The following KAT6B variants were observed in gnomAD, a reference collection of about 807,000 sequenced individuals.
KAT6B encodes the protein lysine acetyltransferase 6B, also known as histone acetyltransferase KAT6B.
A neutral mutation model predicts 187.5 loss-of-function variants in KAT6B; 10 were observed. That is an observed-to-expected ratio of 0.05 (90% CI 0.03 to 0.09). The LOEUF (loss-of-function observed/expected upper bound fraction) is 0.09, where lower values mean the gene tolerates loss of function less well. KAT6B is among the 10% of genes least tolerant of loss of function. The pLI is 1.00. For synonymous variants in KAT6B, 861 were observed against 926.8 expected, an observed-to-expected ratio of 0.93 and a Z score of 1.29; for missense variants, 1,952 against 2,558.9, an observed-to-expected ratio of 0.76 and a Z score of 5.12.
intron 3 of KAT6B, among the ~76,000 whole-genome samples, chr10:74,919,514 C>T (rs941677888): frequency 6.6e-6 from 1 of 152,100 alleles, no homozygotes; most frequent in East Asian, 1.9e-4. Flanking sequence ...TATCCTCCCA[C>T]CTCAGCCTCC....
At chr10:74,901,808 G>A (rs1329077253) in intron 3 of KAT6B, among the ~76,000 whole-genome samples, 5 of 152,152 alleles carry the variant, frequency 3.3e-5, no homozygotes, top group South Asian at 2.1e-4. Flanking sequence ...TTAAGAAAGT[G>A]TCTTTTAGAA....
At chr10:74,903,859 G>C (rs961729484) in intron 3 of KAT6B, among the ~76,000 whole-genome samples, 1 of 152,172 alleles carries the variant, frequency 6.6e-6, no homozygotes, top group Non-Finnish European at 1.5e-5. Flanking sequence ...GTCTCTCAGG[G>C]GTAGACTTAC....
At chr10:75,023,191 CT>C (rs1236237255) in intron 16 of KAT6B, among the ~76,000 whole-genome samples, 1 of 152,208 alleles carries the variant, frequency 6.6e-6, no homozygotes, top group Admixed American at 6.5e-5. Context: ...ATATCTTTGT[CT>C]TCAGTATCTA....
At chr10:74,845,636 A>G (rs1842050158) in intron 3 of KAT6B, among the ~76,000 whole-genome samples, 1 of 151,576 alleles carries the variant, frequency 6.6e-6, no homozygotes, top group Non-Finnish European at 1.5e-5. Flanking sequence ...AACTGGGAAT[A>G]CAGGTGTATG....
intron 8 of KAT6B, chr10:74,976,685 C>T (rs1232971687): frequency 5.4e-6 from 2 of 369,508 alleles, no homozygotes; most frequent in Non-Finnish European, 1.0e-5. Context: ...TCTGCAGCCA[C>T]AGCGCTGTTC....
At chr10:75,004,891 G>C (rs1465032656) in intron 13 of KAT6B, among the ~76,000 whole-genome samples, 1 of 151,520 alleles carries the variant, frequency 6.6e-6, no homozygotes, top group Admixed American at 6.6e-5. Context: ...GGGGTGGGGG[G>C]TCAGCTAGAG....
At chr10:75,018,867 C>T (rs1437485054) in intron 13 of KAT6B, among the ~76,000 whole-genome samples, 1 of 152,144 alleles carries the variant, frequency 6.6e-6, no homozygotes, top group Admixed American at 6.5e-5. Flanking sequence ...ATCCACGGCT[C>T]TATGGTTCTC....
rs770050630 is a variant in KAT6B, at chr10:75,029,217, C to A, written c.4393C>A (p.Gln1465Lys). The A allele has an allele frequency of 2.6e-5, 42 of 1,614,004 alleles. No individual in the cohort carries two copies. The Admixed American group carries it at 7.0e-4, about 27-fold the overall frequency. ...NQETFLDLNV[Q>K]PGHSNPEVLM... ...GGAGACTTTTTTAGACCTTAATGTG[C>A]AGCCTGGTCACTCGAACCCAGAGGT... The change falls in exon 18 of 18, where the codon CAG (glutamine) becomes AAG (lysine). Residue 1465 changes from glutamine (Q) to lysine (K), a missense_variant. Transcript: ENST00000287239. The surrounding 1 kb of genome is among the most constrained non-coding windows in gnomAD (Gnocchi z 6.2).
At position 74,972,511 on chromosome 10, in the gene KAT6B, G is replaced by C. The variant is rs141914733; in HGVS notation, c.933G>C (p.Met311Ile). The change falls in exon 7 of 18, where the codon ATG becomes ATC. Residue 311 changes from methionine (M) to isoleucine (I), a missense_variant. By Grantham distance (10) the Met-to-Ile change is conservative. Around this residue, in one of 9 missense-constraint regions of KAT6B, gnomAD observed 417 missense variants for 508.9 expected, o/e 0.82. Coordinates refer to ENST00000287239, the MANE Select transcript of KAT6B (RefSeq NM_012330.4). Reference protein sequence around the residue: ...DPPLSRMPKGMWICQVCRPKK... With the variant: ...DPPLSRMPKGIWICQVCRPKK... ...CTCATATATATATTAATTCAGGGATGTGGATTTGCCAAGTCTGCAGACCAA... is the reference window on the plus strand; with the variant it reads ...CTCATATATATATTAATTCAGGGATCTGGATTTGCCAAGTCTGCAGACCAA... 3.5e-5 allele frequency: 55 copies of C among 1,591,610 alleles called. No homozygotes were observed. In the African/African-American group the frequency reaches 7.0e-4, roughly 20 times the overall value.
chr10:74,838,930 G>A (rs1052696280), intron 2 of KAT6B, among the ~76,000 whole-genome samples, 178 bp downstream of exon 2: 3 of 152,082 alleles, frequency 2.0e-5, no homozygotes, highest in Non-Finnish European at 4.4e-5. Context: ...CGAAGTGGGC[G>A]GATCACGAGA....
In KAT6B at chr10:74,853,316, T is replaced by C. The variant is rs896562820; in HGVS notation, c.621+9838T>C. On this transcript the variant is annotated intron_variant, in intron 3 of 17. Coordinates refer to ENST00000287239, the MANE Select transcript of KAT6B (RefSeq NM_012330.4). The stretch of plus-strand genomic sequence containing the variant: ...TTTTTTTTTCTTTTTTTTGAGACAG[T>C]CTTACTCTGTTGCCCAGGCTGGAGT... Among the ~76,000 whole-genome samples, 3 of 151,264 alleles carry C rather than the reference T, an allele frequency of 2.0e-5. No individual in the cohort carries two copies. The Admixed American group carries it at 2.0e-4, about 10-fold the overall frequency.
intron 3 of KAT6B, among the ~76,000 whole-genome samples, chr10:74,915,989 C>A (rs561773585): frequency 2.6e-5 from 4 of 152,060 alleles, no homozygotes; most frequent in Non-Finnish European, 5.9e-5. Context: ...ACAGAGAAAC[C>A]CCGCCTCTAC....
chr10:74,981,351 CT>C (rs752729233), intron 10 of KAT6B, among the ~76,000 whole-genome samples: 35 of 126,520 alleles, frequency 2.8e-4, no homozygotes, highest in African/African-American at 4.6e-4. Flanking sequence ...TTCTTCCTTT[CT>C]TTCCTTTCTT....
Position 74,976,325 on chromosome 10 carries a change from A to T in KAT6B, c.1988A>T (p.Asp663Val). The change falls in exon 8 of 18, where the codon GAT (aspartate) becomes GTT (valine). Residue 663 changes from aspartate (D) to valine (V), a missense_variant. Coordinates refer to ENST00000287239, the MANE Select transcript of KAT6B (RefSeq NM_012330.4). Reference protein sequence around the residue: ...LTDGRIKPDQDDDTEIKINIK... With the variant: ...LTDGRIKPDQVDDTEIKINIK... ...GACGGAAGGATTAAACCTGATCAGG[A>T]TGATGGTAAGCAAAAGGTCAAAGCT... 6.2e-7 allele frequency: 1 copy of T among 1,612,494 alleles called. No individual in the cohort carries two copies.
chr10:74,947,090 C>T lies in KAT6B; in HGVS notation c.622-12880C>T, dbSNP rs59587813. On this transcript the variant is annotated intron_variant, in intron 3 of 17. Coordinates refer to ENST00000287239, the MANE Select transcript of KAT6B (RefSeq NM_012330.4). ...TCTTGGCTCACTACAACCTCCACCCCCTGAGTTCAAGCAGTTCTGCCTCAG... is the reference window on the plus strand; with the variant it reads ...TCTTGGCTCACTACAACCTCCACCCTCTGAGTTCAAGCAGTTCTGCCTCAG... 4.6e-3 allele frequency among the ~76,000 whole-genome samples: 703 copies of T among 152,236 alleles called. 5 individuals are homozygous for T. The highest frequency in any genetic ancestry group is 0.016 in the African/African-American group (674 of 41,538).
chr10:74,975,518 A>C lies in KAT6B; in HGVS notation c.1181A>C (p.Asp394Ala), dbSNP rs1425798545. ...TCTGGTCATGCTGCATCTGGGAAGG[A>C]CTCAAGCAGCAGATTGGCTGTTACA... ...PSSGHAASGK[D>A]SSSRLAVTDP... The change falls in exon 8 of 18, where the codon GAC (aspartate) becomes GCC (alanine). Residue 394 changes from aspartate to alanine, a missense_variant. Asp to Ala is a moderately radical substitution (Grantham distance 126, BLOSUM62 -2). Transcript: ENST00000287239. The C allele has an allele frequency of 6.2e-7, 1 of 1,613,948 alleles. No individual in the cohort carries two copies. The highest frequency in any genetic ancestry group is 1.7e-5 in the Admixed American group (1 of 59,984).
At chr10:74,874,822 G>T (rs1212672931) in intron 3 of KAT6B, among the ~76,000 whole-genome samples, 1 of 151,972 alleles carries the variant, frequency 6.6e-6, no homozygotes, top group Non-Finnish European at 1.5e-5. Context: ...TGGGGTGTGT[G>T]TGTGTGTGTA....
Position 74,985,220 on chromosome 10 carries a change from T to C in KAT6B, c.2514T>C (p.His838=), listed in dbSNP as rs1256353333. 2 of 1,614,004 alleles carry C rather than the reference T, an allele frequency of 1.2e-6. No homozygotes were observed. Among genetic ancestry groups the C allele is most frequent in the East Asian group, 4.5e-5 (2 of 44,876 alleles). The change falls in exon 12 of 18, where the codon CAT becomes CAC. Residue 838 remains histidine (H), a synonymous_variant. Transcript: ENST00000287239. The part of the protein sequence containing the change: ...VLTKNDEKGC[H]LVGYFSKEKL... ...CAAAAAATGATGAAAAGGGCTGTCA[T>C]CTGGTTGGATACTTCTCTAAGGTAA...
intron 13 of KAT6B, among the ~76,000 whole-genome samples, chr10:74,997,201 T>TTC (rs990279473): frequency 1.0e-4 from 15 of 148,436 alleles, no homozygotes; most frequent in South Asian, 8.7e-4. Context: ...CTCTCTCTCT[T>TTC]TCTCTCTCTC....
Sources: gnomAD v4.1 joint callset for allele counts (sites outside exome capture counted in the v4.1 genomes callset) on GRCh38, gnomAD v4.1.1 for gene constraint, gnomAD v4.1.1 regional missense constraint, Gnocchi (gnomAD v3.1) non-coding constraint, MANE v1.5 for transcripts, NCBI Gene and HGNC (gene_info 2026-07-23, HGNC 2026-07-21) for gene names.